The following SHISAL1 variants were observed in gnomAD, a reference collection of about 807,000 sequenced individuals.
The protein encoded by SHISAL1 is protein shisa-like-1.
SHISAL1 carries 9 observed loss-of-function variants against 22.6 expected under a neutral mutation model. That is an observed-to-expected ratio of 0.40 (90% CI 0.24 to 0.70). The LOEUF (loss-of-function observed/expected upper bound fraction) is 0.70, where lower values mean the gene tolerates loss of function less well. SHISAL1 is among the 30% of genes least tolerant of loss of function. The pLI is 0.39. For missense variants in SHISAL1, 246 were observed against 270.6 expected, an observed-to-expected ratio of 0.91 and a Z score of 0.64; for synonymous variants, 119 against 115.4, an observed-to-expected ratio of 1.03 and a Z score of -0.20.
At chr22:44,266,523 G>GGGGTATGT (rs1569211330) in intron 4 of SHISAL1, among the ~76,000 whole-genome samples, 3 of 72,552 alleles carry the variant, frequency 4.1e-5, no homozygotes, top group Non-Finnish European at 6.6e-5. Context: ...TGGGGGCTTT[G>GGGGTATGT]GGGTATGTGT....
At chr22:44,287,809 T>C (rs1164902699) in intron 3 of SHISAL1, among the ~76,000 whole-genome samples, 2 of 152,080 alleles carry the variant, frequency 1.3e-5, no homozygotes. Flanking sequence ...GAGTCAGGCC[T>C]GGCTCCAGTT....
the SHISAL1 span, among the ~76,000 whole-genome samples, chr22:44,330,049 G>A: frequency 2.6e-5 from 4 of 152,348 alleles, no homozygotes; most frequent in South Asian, 2.1e-4. Context: ...AGCCAGCAGC[G>A]AGATTCACAG....
At chr22:44,292,526 A>G (rs1204617869) in intron 3 of SHISAL1, among the ~76,000 whole-genome samples, 1 of 152,190 alleles carries the variant, frequency 6.6e-6, no homozygotes, top group Non-Finnish European at 1.5e-5. Flanking sequence ...GTGAGGATTA[A>G]TGGGCACCAC....
At chr22:44,307,039 C>T (rs187011574) in intron 1 of SHISAL1, among the ~76,000 whole-genome samples, 40 of 152,272 alleles carry the variant, frequency 2.6e-4, no homozygotes, top group Admixed American at 9.1e-4. Flanking sequence ...ATAATGATGG[C>T]GTGTTACACC....
Position 44,244,916 on chromosome 22 carries a change from C to G in SHISAL1, c.*4769G>C, listed in dbSNP as rs550527302. ...AAAGTTGTTTGCGTGCATTTAAGCA[C>G]CAGCGTGGGACGTGTTGGTGCTACA... On this transcript the variant is annotated 3_prime_UTR_variant, in exon 5 of 5. Coordinates refer to ENST00000381176, the MANE Select transcript of SHISAL1 (RefSeq NM_001099294.2). 1 of 152,364 alleles carries G rather than the reference C, an allele frequency of 6.6e-6. No homozygotes were observed. The highest frequency in any genetic ancestry group is 2.4e-5 in the African/African-American group (1 of 41,572). 9.4% of individuals were successfully genotyped at this position (152,364 alleles called of 1,614,324 possible).
chr22:44,293,834 A>G (rs2055368925), intron 3 of SHISAL1, among the ~76,000 whole-genome samples: 2 of 152,000 alleles, frequency 1.3e-5, no homozygotes, highest in Admixed American at 1.3e-4. Context: ...TGTAAGTTAA[A>G]ATTCTGATCC....
At position 44,267,188 on chromosome 22, in the gene SHISAL1, T is replaced by A. The variant is rs73430742; in HGVS notation, c.*-17503A>T. Among the ~76,000 whole-genome samples, 982 of 152,142 alleles carry A rather than the reference T, an allele frequency of 6.5e-3. 8 individuals carry two copies. Among genetic ancestry groups the A allele is most frequent in the African/African-American group, 0.021 (884 of 41,492 alleles). ...ATGCCCCTCAGCTGTCCTGATCCTC[T>A]CGCGGCTTCCAGACCCCATTTGCCC... is the stretch of plus-strand genomic sequence containing the variant. On this transcript the variant is annotated intron_variant, in intron 4 of 4. Transcript: ENST00000381176.
the SHISAL1 span, among the ~76,000 whole-genome samples, chr22:44,325,785 C>T: frequency 6.6e-6 from 1 of 152,088 alleles, no homozygotes; most frequent in South Asian, 2.1e-4. Context: ...ACAAAGGAAC[C>T]TTCATAACGA....
At chr22:44,298,362 G>A (rs769359325) in intron 2 of SHISAL1, among the ~76,000 whole-genome samples, 3 of 152,230 alleles carry the variant, frequency 2.0e-5, no homozygotes, top group Non-Finnish European at 4.4e-5. Context: ...CGGAGGGCTT[G>A]TCAGAAATGC....
chr22:44,291,215 T>C (rs916239408), intron 3 of SHISAL1, among the ~76,000 whole-genome samples: 1 of 152,200 alleles, frequency 6.6e-6, no homozygotes, highest in Non-Finnish European at 1.5e-5. Flanking sequence ...TTCTACGGCC[T>C]TGTCACAGAA....
chr22:44,311,346 A>G (rs1354168464), intron 1 of SHISAL1, among the ~76,000 whole-genome samples: 1 of 152,178 alleles, frequency 6.6e-6, no homozygotes, highest in Non-Finnish European at 1.5e-5. Context: ...GGTGACCTCC[A>G]ACGTGGAAAC....
At position 44,310,165 on chromosome 22, in the gene SHISAL1, C is replaced by T. The variant is rs1031072371; in HGVS notation, c.-33+2586G>A. 7.2e-5 allele frequency among the ~76,000 whole-genome samples: 11 copies of T among 152,208 alleles called. No homozygotes were observed. Among genetic ancestry groups the T allele is most frequent in the South Asian group, 4.1e-4 (2 of 4,830 alleles). On this transcript the variant is annotated intron_variant, in intron 1 of 4. Coordinates refer to ENST00000381176, the MANE Select transcript of SHISAL1 (RefSeq NM_001099294.2). This position sits in a 1 kb window ranked among gnomAD's most constrained non-coding sequence, Gnocchi z 4.0. ...GCTGACCTGATGCCTAGCCCTGCAG[C>T]GGTCACATCCCCGAACCCAGCCCTG...
rs1004853916 is a variant in SHISAL1, at chr22:44,258,489, G to A, written c.*-8804C>T. On this transcript the variant is annotated intron_variant, in intron 4 of 4. Coordinates refer to ENST00000381176, the MANE Select transcript of SHISAL1 (RefSeq NM_001099294.2). ...TCTCCCACCTTCCGGCCTCCAGTGG[G>A]CCCTAGTGTGTATCGTTCCCCTCTA... 6.6e-5 allele frequency among the ~76,000 whole-genome samples: 10 copies of A among 152,226 alleles called. 1 individual carries two copies. Among genetic ancestry groups the A allele is most frequent in the Admixed American group, 4.6e-4 (7 of 15,298 alleles).
chr22:44,281,689 C>T (rs1238952625), intron 4 of SHISAL1, among the ~76,000 whole-genome samples: 1 of 152,162 alleles, frequency 6.6e-6, no homozygotes, highest in Non-Finnish European at 1.5e-5. Context: ...GTCCTGACTA[C>T]TTTCAGGAGG....
chr22:44,329,400 G>A, the SHISAL1 span, among the ~76,000 whole-genome samples: 2 of 152,020 alleles, frequency 1.3e-5, no homozygotes, highest in Non-Finnish European at 2.9e-5. Context: ...CACCTGCCCT[G>A]ATAAGCTCCA....
At chr22:44,294,300 T>C (rs1320257778) in intron 3 of SHISAL1, among the ~76,000 whole-genome samples, 1 of 152,128 alleles carries the variant, frequency 6.6e-6, no homozygotes, top group Admixed American at 6.5e-5. Flanking sequence ...GAAGGAAGGA[T>C]GGGGAGCTGG....
At chr22:44,294,637 C>T (rs1011708449) in intron 3 of SHISAL1, among the ~76,000 whole-genome samples, 11 of 151,792 alleles carry the variant, frequency 7.2e-5, no homozygotes, top group African/African-American at 1.9e-4. Context: ...AAGTGAGGCA[C>T]GAAAACAGCA....
intron 3 of SHISAL1, among the ~76,000 whole-genome samples, chr22:44,288,362 C>T (rs1431653957): frequency 2.0e-5 from 3 of 152,152 alleles, no homozygotes; most frequent in South Asian, 2.1e-4. Context: ...AGGGGCCAGG[C>T]GCGGTGGCTC....
chr22:44,324,823 G>T, the SHISAL1 span, among the ~76,000 whole-genome samples: 1 of 152,186 alleles, frequency 6.6e-6, no homozygotes, highest in Non-Finnish European at 1.5e-5. Flanking sequence ...CATCTCAGCT[G>T]CACGGCTCAT....
Sources: allele counts gnomAD v4.1 joint callset (sites outside exome capture counted in the v4.1 genomes callset), GRCh38; gene constraint gnomAD v4.1.1; non-coding constraint Gnocchi (gnomAD v3.1); transcripts MANE v1.5; gene names NCBI Gene and HGNC (gene_info 2026-07-23, HGNC 2026-07-21).